CCDC88B: variants seen among roughly 807,000 people sequenced by gnomAD.
CCDC88B encodes coiled-coil domain-containing protein 88B.
A neutral mutation model predicts 183.7 loss-of-function variants in CCDC88B; 138 were observed. The ratio of observed to expected loss-of-function variants is 0.75; its 90% CI spans 0.65 to 0.87. The LOEUF is 0.87. Ranked by LOEUF, CCDC88B falls within the 40% of genes least tolerant of loss-of-function variation. The pLI is 0.00. For missense variants in CCDC88B, 1,822 were observed against 1,965.6 expected (o/e 0.93, Z 1.38); for synonymous variants, 835 against 867.5 (o/e 0.96, Z 0.66).
In CCDC88B at chr11:64,354,187, G is replaced by T; in HGVS notation, c.4099+17G>T. 1 of 1,332,016 alleles carries T rather than the reference G, an allele frequency of 7.5e-7. No individual in the cohort carries two copies. The highest frequency in any genetic ancestry group is 2.5e-5 in the South Asian group (1 of 40,154). The allele number at this position is 1,332,016 out of a possible 1,614,324, so 82.5% of individuals were successfully genotyped here. ...ATGGGACAGGTGGGTCTGGGGGTCA[G>T]GTGGCCAGGATGGTCCCTGCCCCAC... is the stretch of plus-strand genomic sequence containing the variant. On this transcript the variant is annotated intron_variant, in intron 24 of 26. Coordinates refer to ENST00000356786, the MANE Select transcript of CCDC88B (RefSeq NM_032251.6).
At chr11:64,352,664 C>T in intron 19 of CCDC88B, 80 bp from the exon 20 acceptor site, 2 of 1,586,932 alleles carry the variant, frequency 1.3e-6, no homozygotes, top group East Asian at 4.5e-5. Context: ...GACCCCCCCG[C>T]CCCGGGTCCA....
Position 64,349,463 on chromosome 11 carries a change from G to A in CCDC88B, c.2744+5G>A, listed in dbSNP as rs1328237710. ...AAAGGAAAGCCAGCACCAGAGGTGG[G>A]GACAGGGCTGAGGGGAAGAATGAGG... On this transcript the variant is annotated splice_donor_5th_base_variant and intron_variant, in intron 15 of 26. Transcript: ENST00000356786. 2.5e-6 allele frequency: 4 copies of A among 1,611,168 alleles called. No homozygotes were observed. Among genetic ancestry groups the A allele is most frequent in the Non-Finnish European group, 3.4e-6 (4 of 1,178,754 alleles).
chr11:64,352,659 C>T (rs1256841799), intron 19 of CCDC88B, 85 bp from the exon 20 acceptor site: 33 of 1,578,588 alleles, frequency 2.1e-5, no homozygotes, highest in African/African-American at 1.3e-5. Flanking sequence ...TGACAGACCC[C>T]CCCGCCCCGG....
intron 21 of CCDC88B, 36 bp from the exon 22 acceptor site, chr11:64,353,315 G>T (rs754067754): frequency 6.2e-7 from 1 of 1,607,106 alleles, no homozygotes; most frequent in Non-Finnish European, 8.5e-7. Context: ...TCCTGAGCTG[G>T]GTCCCACCCT....
Position 64,355,428 on chromosome 11 carries a change from C to G in CCDC88B, c.4306+28C>G, listed in dbSNP as rs1272512229. 3 of 1,586,328 alleles carry G rather than the reference C, an allele frequency of 1.9e-6. No individual in the cohort carries two copies. In the South Asian group the frequency reaches 3.4e-5, roughly 18 times the overall value. On this transcript the variant is annotated intron_variant, in intron 25 of 26. Coordinates refer to ENST00000356786, the MANE Select transcript of CCDC88B (RefSeq NM_032251.6). Reference sequence around the variant, plus strand: ...GAGGGACAAGGGTCACTGTACCAGCCAGCCCCCCAACTCTTTGTGGACCCA... The same window carrying G: ...GAGGGACAAGGGTCACTGTACCAGCGAGCCCCCCAACTCTTTGTGGACCCA...
intron 16 of CCDC88B, 44 bp from the exon 17 acceptor site, chr11:64,351,116 C>A: frequency 7.2e-7 from 1 of 1,379,942 alleles, no homozygotes; most frequent in Non-Finnish European, 9.6e-7. Flanking sequence ...ATCCCCAAGG[C>A]ACTGCGGCTG....
Position 64,351,535 on chromosome 11 carries a change from G to A in CCDC88B, c.3018G>A (p.Gly1006=). 1 of 1,575,130 alleles carries A rather than the reference G, an allele frequency of 6.3e-7. No homozygotes were observed. Among genetic ancestry groups the A allele is most frequent in the East Asian group, 2.3e-5 (1 of 43,368 alleles). The change falls in exon 18 of 27, where the codon GGG becomes GGA. Residue 1006 remains glycine (G), a synonymous_variant. Coordinates refer to ENST00000356786, the MANE Select transcript of CCDC88B (RefSeq NM_032251.6). ...ALQGQLQHLE[G]QLGSLQGRAQ... Reference sequence around the variant, plus strand: ...AGGGGCAGCTGCAGCACCTGGAGGGGCAGCTGGGGAGCCTGCAGGGCCGTG... The same window carrying A: ...AGGGGCAGCTGCAGCACCTGGAGGGACAGCTGGGGAGCCTGCAGGGCCGTG...
chr11:64,341,682 G>A lies in CCDC88B; in HGVS notation c.615G>A (p.Leu205=). The change falls in exon 7 of 27, where the codon CTG becomes CTA. Residue 205 remains leucine (L), a synonymous_variant. Transcript: ENST00000356786. ...TGGCACCTGCCGAGCTGGAGATGCT[G>A]TCCCGGAGCCTGATGGGGACACTGT... is the stretch of plus-strand genomic sequence containing the variant. The part of the protein sequence containing the change: ...GELAPAELEM[L]SRSLMGTLSK... The A allele has an allele frequency of 6.2e-7, 1 of 1,608,334 alleles. No individual in the cohort carries two copies. The highest frequency in any genetic ancestry group is 8.5e-7 in the Non-Finnish European group (1 of 1,177,568).
intron 26 of CCDC88B, chr11:64,356,717 AAGG>A: frequency 2.4e-6 from 1 of 410,762 alleles, no homozygotes; most frequent in African/African-American, 2.0e-5. Flanking sequence ...TCTGGGAAGA[AAGG>A]AGAGCAGGGG....
At chr11:64,348,222 G>T (rs1322337995) in intron 14 of CCDC88B, among the ~76,000 whole-genome samples, 3 of 151,688 alleles carry the variant, frequency 2.0e-5, no homozygotes, top group Admixed American at 6.6e-5. Context: ...TGGAAGAGCC[G>T]GCTCCAAGGA....
Position 64,355,564 on chromosome 11 carries a change from T to C in CCDC88B, c.4311T>C (p.Pro1437=). The C allele has an allele frequency of 1.9e-6, 3 of 1,612,928 alleles. No individual in the cohort carries two copies. Among genetic ancestry groups the C allele is most frequent in the Non-Finnish European group, 2.5e-6 (3 of 1,179,694 alleles). ...TGGTTGCCTTGTGCCTCCCAGGACC[T>C]GGTGTGGGATGGGAGAACTCCGCTG... ...LGAPVSHSKG[P]GVGWENSAET... Residue 1437 remains proline, a synonymous_variant, in exon 26 of 27, where the codon CCT becomes CCC. Coordinates refer to ENST00000356786, the MANE Select transcript of CCDC88B (RefSeq NM_032251.6).
chr11:64,345,076 G>T lies in CCDC88B; in HGVS notation c.2535G>T (p.Arg845=). The T allele has an allele frequency of 6.4e-7, 1 of 1,551,738 alleles. No homozygotes were observed. The change falls in exon 14 of 27, where the codon CGG becomes CGT. Residue 845 remains arginine, a synonymous_variant. Transcript: ENST00000356786. ...LRAQSEAAEE[R]MQVLESEGRQ... is the part of the protein sequence containing the mutation. ...CCCAGTCGGAGGCCGCCGAGGAACG[G>T]ATGCAGGTGCTGGAGAGCGAGGGCC...
chr11:64,342,283 C>T lies in CCDC88B; in HGVS notation c.822-11C>T, dbSNP rs1217236292. 4 of 1,579,984 alleles carry T rather than the reference C, an allele frequency of 2.5e-6. No individual in the cohort carries two copies. The highest frequency in any genetic ancestry group is 2.7e-5 in the African/African-American group (2 of 74,434). On this transcript the variant is annotated splice_polypyrimidine_tract_variant and intron_variant, in intron 8 of 26. Coordinates refer to ENST00000356786, the MANE Select transcript of CCDC88B (RefSeq NM_032251.6). ...GCCCCCAGACCCTCCCTAGACTCCCCTTCCCTCCAGGGAGGAGAAGGCCGA... is the reference window on the plus strand; with the variant it reads ...GCCCCCAGACCCTCCCTAGACTCCCTTTCCCTCCAGGGAGGAGAAGGCCGA...
intron 14 of CCDC88B, among the ~76,000 whole-genome samples, chr11:64,347,062 G>A (rs1222059628): frequency 6.6e-6 from 1 of 152,150 alleles, no homozygotes; most frequent in Non-Finnish European, 1.5e-5. Flanking sequence ...CCAAAGTGCT[G>A]GGATTACAGG....
rs756013858 is a variant in CCDC88B at position 64,343,890 on chromosome 11, G to A, written c.1431G>A (p.Val477=). The change falls in exon 13 of 27, where the codon GTG becomes GTA. Residue 477 remains valine (V), a synonymous_variant. Transcript: ENST00000356786. ...ENRELRGLLQ[V]LQGQPGGQHP... Reference sequence around the variant, plus strand: ...GGGAGCTTCGGGGGCTGCTTCAGGTGCTTCAGGGGCAGCCAGGGGGCCAGG... The same window carrying A: ...GGGAGCTTCGGGGGCTGCTTCAGGTACTTCAGGGGCAGCCAGGGGGCCAGG... The A allele has an allele frequency of 1.6e-5, 26 of 1,604,692 alleles. No homozygotes were observed. The highest frequency in any genetic ancestry group is 2.1e-5 in the Non-Finnish European group (25 of 1,175,866).
chr11:64,357,176 A>G lies in CCDC88B; in HGVS notation c.*82A>G. 1.3e-6 allele frequency: 2 copies of G among 1,517,588 alleles called. No homozygotes were observed. The highest frequency in any genetic ancestry group is 1.8e-6 in the Non-Finnish European group (2 of 1,092,498). The allele number at this position is 1,517,588 out of a possible 1,614,324, so 94.0% of individuals were successfully genotyped here. On this transcript the variant is annotated 3_prime_UTR_variant, in exon 27 of 27. Coordinates refer to ENST00000356786, the MANE Select transcript of CCDC88B (RefSeq NM_032251.6). ...GAGGCCCCAGGCAGCCCAAGAGCTC[A>G]GGGAGCCAGGGACCCCAAGGGGAGT...
In CCDC88B at chr11:64,354,051, G is replaced by A. The variant is rs748413045; in HGVS notation, c.3980G>A (p.Arg1327Gln). 30 of 1,450,118 alleles carry A rather than the reference G, an allele frequency of 2.1e-5. No homozygotes were observed. The highest frequency in any genetic ancestry group is 4.2e-5 in the African/African-American group (3 of 70,602). 89.8% of individuals were successfully genotyped at this position (1,450,118 alleles called of 1,614,324 possible). ...AAGGTGAAGAGGCTGATGCGGCCCC[G>A]GCGGGAGGGGGGCCCCCCTGGGGGG... ...ADKVKRLMRP[R>Q]REGGPPGGLR... The change falls in exon 24 of 27, where the codon CGG (arginine) becomes CAG (glutamine). Residue 1327 changes from arginine to glutamine, a missense_variant. Physicochemically the swap from Arg to Gln is conservative, Grantham distance 43. Coordinates refer to ENST00000356786, the MANE Select transcript of CCDC88B (RefSeq NM_032251.6).
Position 64,355,334 on chromosome 11 carries a change from A to G in CCDC88B, c.4240A>G (p.Thr1414Ala). The G allele has an allele frequency of 1.3e-6, 2 of 1,591,162 alleles. No homozygotes were observed. Among genetic ancestry groups the G allele is most frequent in the Non-Finnish European group, 1.7e-6 (2 of 1,170,188 alleles). The change falls in exon 25 of 27, where the codon ACC (threonine) becomes GCC (alanine). Residue 1414 changes from threonine (T) to alanine (A), a missense_variant. Coordinates refer to ENST00000356786, the MANE Select transcript of CCDC88B (RefSeq NM_032251.6). Reference sequence around the variant, plus strand: ...CTCTGAGTCATTCAGCCCTGGGGACACCCCTAGGCAACGATTCCGACAGCG... The same window carrying G: ...CTCTGAGTCATTCAGCCCTGGGGACGCCCCTAGGCAACGATTCCGACAGCG... ...RSSESFSPGD[T>A]PRQRFRQRHP...
At chr11:64,346,518 G>A (rs1368716044) in intron 14 of CCDC88B, among the ~76,000 whole-genome samples, 17 of 151,060 alleles carry the variant, frequency 1.1e-4, no homozygotes, top group Non-Finnish European at 2.2e-4. Context: ...TCGGCTCACT[G>A]CAAGCTCCGC....
Sources: allele counts gnomAD v4.1 joint callset (sites outside exome capture counted in the v4.1 genomes callset), GRCh38; gene constraint gnomAD v4.1.1; transcripts MANE v1.5; gene names NCBI Gene and HGNC (gene_info 2026-07-23, HGNC 2026-07-21).